The following RAP1GDS1 variants were observed in gnomAD, a reference collection of about 807,000 sequenced individuals.
RAP1GDS1 encodes the protein Rap1 GTPase-GDP dissociation stimulator 1, also known as RAP1, GTP-GDP dissociation stimulator 1.
A neutral mutation model predicts 71.1 loss-of-function variants in RAP1GDS1; 35 were observed. That is an observed-to-expected ratio of 0.49 (90% CI 0.38 to 0.65). The LOEUF is 0.65. RAP1GDS1 is among the 30% of genes least tolerant of loss of function. The pLI, the probability that RAP1GDS1 is intolerant of heterozygous loss-of-function variation, is 0.00. For missense variants in RAP1GDS1, 663 were observed against 706.1 expected (o/e 0.94, Z 0.69); for synonymous variants, 229 against 243.1 (o/e 0.94, Z 0.54).
chr4:98,371,257 C>T (rs1271752557), intron 4 of RAP1GDS1, among the ~76,000 whole-genome samples: 2 of 151,562 alleles, frequency 1.3e-5, no homozygotes, highest in South Asian at 2.1e-4. Context: ...GGATTACAGG[C>T]GTGTACCACC....
intron 4 of RAP1GDS1, among the ~76,000 whole-genome samples, chr4:98,364,440 A>G (rs1052310608): frequency 7.2e-5 from 11 of 152,106 alleles, no homozygotes; most frequent in African/African-American, 2.4e-4. Context: ...ACCAGATCTC[A>G]GGTTCATTGT....
At chr4:98,403,331 G>A (rs898893766) in intron 6 of RAP1GDS1, among the ~76,000 whole-genome samples, 4 of 152,160 alleles carry the variant, frequency 2.6e-5, no homozygotes, top group Non-Finnish European at 4.4e-5. Flanking sequence ...GAATTGGAGA[G>A]AAATGGAATG....
In RAP1GDS1 at chr4:98,442,507, T is replaced by TAA. The variant is rs1360407052; in HGVS notation, c.*392_*393dup. ...ATGCAGCAGGATCTGTCTAGCTTATTAAAGATGAAACTGAATTGGAAAAAT... is the reference window on the plus strand; with the variant it reads ...ATGCAGCAGGATCTGTCTAGCTTATTAAAAAGATGAAACTGAATTGGAAAAAT... On this transcript the variant is annotated 3_prime_UTR_variant, in exon 15 of 15. Transcript: ENST00000408927. 2 of 230,540 alleles carry TAA rather than the reference T, an allele frequency of 8.7e-6. No individual in the cohort carries two copies. Among genetic ancestry groups the TAA allele is most frequent in the Non-Finnish European group, 1.7e-5 (2 of 116,286 alleles). 14.3% of individuals were successfully genotyped at this position (230,540 alleles called of 1,614,324 possible). A position where few individuals can be genotyped will look rare whatever the true frequency, so the allele number is the denominator to read the frequency against.
intron 1 of RAP1GDS1, among the ~76,000 whole-genome samples, chr4:98,293,065 A>G (rs949553375): frequency 1.3e-5 from 2 of 152,190 alleles, no homozygotes; most frequent in African/African-American, 2.4e-5. Flanking sequence ...TTGTAAAACT[A>G]TATAATTTTT....
chr4:98,313,577 C>T (rs1730563815), intron 2 of RAP1GDS1, among the ~76,000 whole-genome samples: 1 of 152,152 alleles, frequency 6.6e-6, no homozygotes, highest in Admixed American at 6.5e-5. Context: ...GGTGTGGTAG[C>T]TCACAGCTGT....
chr4:98,433,545 A>G (rs1297156021), intron 12 of RAP1GDS1, among the ~76,000 whole-genome samples: 1 of 152,102 alleles, frequency 6.6e-6, no homozygotes, highest in Non-Finnish European at 1.5e-5. Context: ...CTGTCAGAGC[A>G]CTGGGATTAA....
At chr4:98,400,677 C>T (rs1456662598) in intron 6 of RAP1GDS1, among the ~76,000 whole-genome samples, 4 of 151,968 alleles carry the variant, frequency 2.6e-5, no homozygotes, top group East Asian at 1.9e-4. Flanking sequence ...GGATAACTAT[C>T]GTTGACAATA....
intron 14 of RAP1GDS1, among the ~76,000 whole-genome samples, chr4:98,438,783 C>T (rs1176945197): frequency 2.0e-5 from 3 of 151,298 alleles, no homozygotes; most frequent in East Asian, 1.9e-4. Flanking sequence ...TTAGTACAGG[C>T]GGGGTTTCAC....
At chr4:98,407,045 A>G (rs1221323993) in intron 7 of RAP1GDS1, among the ~76,000 whole-genome samples, 2 of 152,126 alleles carry the variant, frequency 1.3e-5, no homozygotes, top group South Asian at 2.1e-4. Context: ...ACTAAAATCA[A>G]TGAGCCCAGT....
At chr4:98,296,256 T>G (rs1024518453) in intron 2 of RAP1GDS1, among the ~76,000 whole-genome samples, 7 of 152,126 alleles carry the variant, frequency 4.6e-5, no homozygotes, top group African/African-American at 1.7e-4. Flanking sequence ...CTGGAAAGGT[T>G]ATCTCTGAAA....
chr4:98,438,163 T>A (rs1283367008), intron 14 of RAP1GDS1, among the ~76,000 whole-genome samples: 1 of 152,070 alleles, frequency 6.6e-6, no homozygotes, highest in African/African-American at 2.4e-5. Context: ...TTTATCATTA[T>A]ATAGTGTACC....
intron 7 of RAP1GDS1, among the ~76,000 whole-genome samples, chr4:98,406,438 G>C (rs1411005503): frequency 6.6e-6 from 1 of 151,888 alleles, no homozygotes; most frequent in Non-Finnish European, 1.5e-5. Context: ...AGACTTGCTA[G>C]AGATAAAGAG....
chr4:98,304,237 G>C (rs535805285), intron 2 of RAP1GDS1, among the ~76,000 whole-genome samples: 1 of 152,262 alleles, frequency 6.6e-6, no homozygotes, highest in Admixed American at 6.5e-5. Flanking sequence ...GGGTCAAATG[G>C]TATTTCTGGT....
chr4:98,334,761 T>C (rs187728670), intron 2 of RAP1GDS1, among the ~76,000 whole-genome samples: 160 of 152,214 alleles, frequency 1.1e-3, no homozygotes, highest in Middle Eastern at 3.4e-3. Context: ...TTCCAAAAGA[T>C]ACTTAAGTCG....
chr4:98,273,417 A>AT (rs986201541), intron 1 of RAP1GDS1, among the ~76,000 whole-genome samples: 64 of 152,064 alleles, frequency 4.2e-4, no homozygotes, highest in African/African-American at 1.2e-3. Flanking sequence ...AATGTCCATC[A>AT]TTTTTTTTAC....
chr4:98,365,984 C>G (rs932366414), intron 4 of RAP1GDS1, among the ~76,000 whole-genome samples: 1 of 152,162 alleles, frequency 6.6e-6, no homozygotes, highest in African/African-American at 2.4e-5. Context: ...AGGACAGAAA[C>G]AAACAGATTC....
intron 12 of RAP1GDS1, among the ~76,000 whole-genome samples, chr4:98,432,237 T>A (rs142271818): frequency 6.6e-6 from 1 of 152,328 alleles, no homozygotes; most frequent in East Asian, 1.9e-4. Flanking sequence ...TTTCCTTAGT[T>A]CATTCCCTAC....
chr4:98,421,104 C>T, intron 11 of RAP1GDS1, 151 bp from the exon 12 acceptor site: 5 of 775,620 alleles, frequency 6.4e-6, no homozygotes, highest in Non-Finnish European at 9.4e-6. Flanking sequence ...GGCAAATAGC[C>T]CATCACATAA....
chr4:98,386,841 G>A (rs1742840688), intron 5 of RAP1GDS1, among the ~76,000 whole-genome samples: 1 of 151,954 alleles, frequency 6.6e-6, no homozygotes, highest in Admixed American at 6.6e-5. Context: ...ACTTTGCAGT[G>A]TTATAATAGA....
Sources: gnomAD v4.1 joint callset for allele counts (sites outside exome capture counted in the v4.1 genomes callset) on GRCh38, gnomAD v4.1.1 for gene constraint, MANE v1.5 for transcripts, NCBI Gene and HGNC (gene_info 2026-07-23, HGNC 2026-07-21) for gene names.